LRRTM4: variants seen among roughly 807,000 people sequenced by gnomAD.
LRRTM4 encodes leucine-rich repeat transmembrane neuronal protein 4.
In LRRTM4, 25 loss-of-function variants were observed where a neutral mutation model predicts 47.6. The observed-to-expected ratio is 0.53, with a 90% CI of 0.38 to 0.73. The LOEUF is 0.73. Ranked by LOEUF, LRRTM4 falls within the 30% of genes least tolerant of loss-of-function variation. LRRTM4 has a pLI of 0.00. For missense variants in LRRTM4, 638 were observed against 713.4 expected (o/e 0.89, Z 1.20); for synonymous variants, 311 against 269.5 (o/e 1.15, Z -1.51).
rs548179437 is a variant in LRRTM4, at chr2:77,044,607, GTTTA to G, written c.1552-295695_1552-295692del. ...GAGGATTTAGTGGGAGTGAAAACTA[GTTTA>G]TTTGATTTTTTTTGGCTATATATAT... On this transcript the variant is annotated intron_variant, in intron 3 of 3. Coordinates refer to ENST00000409884, the MANE Select transcript of LRRTM4 (RefSeq NM_001134745.3). 3.1e-3 allele frequency among the ~76,000 whole-genome samples: 468 copies of G among 151,060 alleles called. 2 individuals are homozygous for G. The highest frequency in any genetic ancestry group is 0.011 in the African/African-American group (435 of 41,236).
rs778462487 is a variant in LRRTM4 at position 77,518,305 on chromosome 2, T to C, written c.1551+13A>G. 2 of 1,586,266 alleles carry C rather than the reference T, an allele frequency of 1.3e-6. No individual in the cohort carries two copies. Among genetic ancestry groups the C allele is most frequent in the South Asian group, 2.3e-5 (2 of 87,222 alleles). On this transcript the variant is annotated intron_variant, in intron 3 of 3. Transcript: ENST00000409884. ...CGCAGTAGAAATGCTTTTAGGAGGA[T>C]CATGGTTCATACCTCACATTCCCTG...
intron 3 of LRRTM4, among the ~76,000 whole-genome samples, chr2:76,887,417 A>G (rs1432768774): frequency 6.6e-6 from 1 of 151,492 alleles, no homozygotes; most frequent in East Asian, 1.9e-4. Flanking sequence ...AGATGTAAAT[A>G]TATGACAAAC....
chr2:77,436,333 A>G (rs921208851), intron 3 of LRRTM4, among the ~76,000 whole-genome samples: 11 of 152,150 alleles, frequency 7.2e-5, no homozygotes, highest in African/African-American at 2.7e-4. Context: ...TGATGGCTAG[A>G]ATCCTAAATA....
intron 3 of LRRTM4, among the ~76,000 whole-genome samples, chr2:76,806,665 T>C (rs1178059781): frequency 6.6e-6 from 1 of 152,050 alleles, no homozygotes; most frequent in Non-Finnish European, 1.5e-5. Flanking sequence ...ATAAATATAT[T>C]ACAAAGTAAT....
intron 3 of LRRTM4, among the ~76,000 whole-genome samples, chr2:77,035,101 T>G (rs985517048): frequency 4.0e-5 from 6 of 151,844 alleles, no homozygotes; most frequent in Non-Finnish European, 8.8e-5. Flanking sequence ...CTAGGGTACA[T>G]GCGCACAATG....
intron 3 of LRRTM4, among the ~76,000 whole-genome samples, chr2:76,934,123 GA>G (rs1167212684): frequency 6.6e-6 from 1 of 152,104 alleles, no homozygotes; most frequent in East Asian, 1.9e-4. Context: ...TTACTCTGCA[GA>G]AAAATCTCAT....
At chr2:77,260,842 G>A (rs988901113) in intron 3 of LRRTM4, among the ~76,000 whole-genome samples, 2 of 152,134 alleles carry the variant, frequency 1.3e-5, no homozygotes, top group Non-Finnish European at 2.9e-5. Context: ...GGAACCTTAT[G>A]TGAATGTATG....
intron 3 of LRRTM4, among the ~76,000 whole-genome samples, chr2:76,873,761 T>G (rs948977959): frequency 6.6e-6 from 1 of 151,484 alleles, no homozygotes; most frequent in Non-Finnish European, 1.5e-5. Flanking sequence ...TCAGAAATTT[T>G]AACAGGTGAA....
intron 3 of LRRTM4, among the ~76,000 whole-genome samples, chr2:77,268,893 C>T (rs1217541262): frequency 6.6e-6 from 1 of 152,092 alleles, no homozygotes; most frequent in Non-Finnish European, 1.5e-5. Context: ...TGAAATGCCT[C>T]TCCGGGAATA....
chr2:76,814,409 TTTAAC>T (rs1670837596), intron 3 of LRRTM4, among the ~76,000 whole-genome samples: 1 of 149,120 alleles, frequency 6.7e-6, no homozygotes, highest in Admixed American at 6.9e-5. Flanking sequence ...GTTTGTATTC[TTTAAC>T]ATGAGTATCT....
chr2:77,482,821 A>T (rs1017490298), intron 3 of LRRTM4, among the ~76,000 whole-genome samples: 3 of 152,052 alleles, frequency 2.0e-5, no homozygotes, highest in South Asian at 2.1e-4. Flanking sequence ...TTTAAATCTT[A>T]TCTATTATTC....
chr2:77,257,460 G>A lies in LRRTM4; in HGVS notation c.1551+260858C>T, dbSNP rs187454836. 4.1e-4 allele frequency among the ~76,000 whole-genome samples: 62 copies of A among 152,094 alleles called. 1 individual carries two copies. Among genetic ancestry groups the A allele is most frequent in the Admixed American group, 3.7e-3 (57 of 15,250 alleles). On this transcript the variant is annotated intron_variant, in intron 3 of 3. Transcript: ENST00000409884. ...CTGCCAGTTAAAACCACTCATAAAA[G>A]GGGAAATACATAGTTGTACATTTAA... is the stretch of plus-strand genomic sequence containing the variant.
intron 3 of LRRTM4, among the ~76,000 whole-genome samples, chr2:77,497,074 A>G (rs987443519): frequency 9.9e-5 from 15 of 151,716 alleles, no homozygotes; most frequent in Admixed American, 3.3e-4. Flanking sequence ...TTATTAAAGT[A>G]ATCTGCAAAA....
At chr2:77,099,911 G>C (rs1203581341) in intron 3 of LRRTM4, among the ~76,000 whole-genome samples, 1 of 152,004 alleles carries the variant, frequency 6.6e-6, no homozygotes, top group Non-Finnish European at 1.5e-5. Flanking sequence ...TGTGAGTGTG[G>C]AGTGTGAAAG....
At chr2:77,313,055 G>T (rs774294519) in intron 3 of LRRTM4, among the ~76,000 whole-genome samples, 14 of 152,138 alleles carry the variant, frequency 9.2e-5, no homozygotes, top group Non-Finnish European at 1.9e-4. Flanking sequence ...TTAACCCATA[G>T]ACATAGATTT....
At chr2:77,088,456 G>T (rs549085456) in intron 3 of LRRTM4, among the ~76,000 whole-genome samples, 1 of 151,206 alleles carries the variant, frequency 6.6e-6, no homozygotes, top group Non-Finnish European at 1.5e-5. Context: ...AAAGCACCCC[G>T]ACTGAGCACC....
At chr2:76,914,637 CTCTTA>C (rs764709551) in intron 3 of LRRTM4, among the ~76,000 whole-genome samples, 76 of 152,178 alleles carry the variant, frequency 5.0e-4, no homozygotes, top group Admixed American at 9.8e-4. Flanking sequence ...TGCATTCTTC[CTCTTA>C]TCTGACTCAA....
chr2:76,849,619 A>AG (rs970271169), intron 3 of LRRTM4, among the ~76,000 whole-genome samples: 2 of 152,126 alleles, frequency 1.3e-5, no homozygotes, highest in Non-Finnish European at 2.9e-5. Context: ...TAATAAAAAA[A>AG]CAACTCTGCT....
intron 3 of LRRTM4, among the ~76,000 whole-genome samples, chr2:77,228,508 C>G (rs911895250): frequency 6.6e-6 from 1 of 152,126 alleles, no homozygotes; most frequent in African/African-American, 2.4e-5. Context: ...CTTGATCATG[C>G]CAGTGGAGAG....
Sources: gnomAD v4.1 joint callset for allele counts (sites outside exome capture counted in the v4.1 genomes callset) on GRCh38, gnomAD v4.1.1 for gene constraint, MANE v1.5 for transcripts, NCBI Gene and HGNC (gene_info 2026-07-23, HGNC 2026-07-21) for gene names.